Variants in OPCML observed in about 807,000 individuals in gnomAD.
OPCML encodes the protein opioid binding protein/cell adhesion molecule like, also known as opioid-binding protein/cell adhesion molecule.
In OPCML, 13 loss-of-function variants were observed where a neutral mutation model predicts 37.8. That is an observed-to-expected ratio of 0.34 (90% confidence interval 0.22 to 0.55). The LOEUF is 0.55. Ranked by LOEUF, OPCML falls within the 20% of genes least tolerant of loss-of-function variation. The pLI, the probability that OPCML is intolerant of heterozygous loss-of-function variation, is 0.91. For synonymous variants in OPCML, 176 were observed against 168.8 expected (o/e 1.04, Z -0.33); for missense variants, 341 against 435.6 (o/e 0.78, Z 1.93).
chr11:133,183,622 C>T (rs534941443), intron 1 of OPCML, among the ~76,000 whole-genome samples: 5 of 152,206 alleles, frequency 3.3e-5, no homozygotes, highest in South Asian at 2.1e-4. Flanking sequence ...CCTAAATTTT[C>T]GAGAGTGTAT....
chr11:132,620,690 T>C (rs1337807219), intron 3 of OPCML, among the ~76,000 whole-genome samples: 1 of 152,228 alleles, frequency 6.6e-6, no homozygotes, highest in African/African-American at 2.4e-5. Flanking sequence ...TGCCTTGGAA[T>C]CATTGGTTCT....
At chr11:133,003,002 A>G (rs1364238156) in intron 1 of OPCML, among the ~76,000 whole-genome samples, 2 of 152,206 alleles carry the variant, frequency 1.3e-5, no homozygotes, top group African/African-American at 4.8e-5. Context: ...CTTTTCTGAT[A>G]TACCACAAAA....
At chr11:133,354,083 T>C (rs920484539) in intron 1 of OPCML, among the ~76,000 whole-genome samples, 41 of 151,398 alleles carry the variant, frequency 2.7e-4, no homozygotes, top group Admixed American at 1.3e-4. Flanking sequence ...TTTAAGTCTA[T>C]CTGTGCTATG....
chr11:132,861,516 GCA>G (rs1385773273), intron 2 of OPCML, among the ~76,000 whole-genome samples: 1 of 152,126 alleles, frequency 6.6e-6, no homozygotes, highest in Admixed American at 6.5e-5. Context: ...ACTTTGTCTG[GCA>G]CAGTGTATGA....
Position 132,943,225 on chromosome 11 carries a change from G to T in OPCML, c.62-215C>A. 1 of 1,327,844 alleles carries T rather than the reference G, an allele frequency of 7.5e-7. No homozygotes were observed. Among genetic ancestry groups the T allele is most frequent in the Non-Finnish European group, 1.0e-6 (1 of 965,162 alleles). The allele number at this position is 1,327,844 out of a possible 1,614,324, so 82.3% of individuals were successfully genotyped here. On this transcript the variant is annotated intron_variant, in intron 1 of 7. Transcript: ENST00000524381. The surrounding 1 kb of genome is among the most constrained non-coding windows in gnomAD (Gnocchi z 4.3). ...AGTTCGCCAGGAGCAGGGGGAAGGA[G>T]AAGAGAGGAGTCCGGGCTCTCCGGA... is the stretch of plus-strand genomic sequence containing the variant.
intron 1 of OPCML, among the ~76,000 whole-genome samples, chr11:133,309,531 C>T (rs1943017404): frequency 6.6e-6 from 1 of 152,136 alleles, no homozygotes; most frequent in South Asian, 2.1e-4. Context: ...AATGTGGGAT[C>T]CTGGATTGAA....
intron 3 of OPCML, among the ~76,000 whole-genome samples, chr11:132,625,053 A>G (rs1272529808): frequency 6.6e-6 from 1 of 152,146 alleles, no homozygotes; most frequent in East Asian, 1.9e-4. Flanking sequence ...CCAAAATAAT[A>G]TGTTTAAACC....
intron 2 of OPCML, among the ~76,000 whole-genome samples, chr11:132,738,425 T>C (rs1288547675): frequency 6.6e-6 from 1 of 152,370 alleles, no homozygotes; most frequent in South Asian, 2.1e-4. Flanking sequence ...AGTGCATACA[T>C]CTTCCACTAG....
chr11:133,160,421 T>C (rs1950126325), intron 1 of OPCML, among the ~76,000 whole-genome samples: 1 of 152,216 alleles, frequency 6.6e-6, no homozygotes, highest in African/African-American at 2.4e-5. Context: ...GTAAGTAAAG[T>C]CAGCAGTTTA....
At chr11:132,724,941 G>A (rs375418263) in intron 2 of OPCML, among the ~76,000 whole-genome samples, 20 of 152,314 alleles carry the variant, frequency 1.3e-4, no homozygotes, top group South Asian at 2.1e-4. Context: ...GGGCAACTCC[G>A]TGGTTTTGCA....
intron 1 of OPCML, among the ~76,000 whole-genome samples, chr11:133,260,495 G>A (rs1456612940): frequency 3.9e-5 from 6 of 152,074 alleles, no homozygotes; most frequent in African/African-American, 1.4e-4. Context: ...TGTTGAAGGT[G>A]GAGCTCTGGG....
At chr11:133,233,795 T>G (rs993081077) in intron 1 of OPCML, among the ~76,000 whole-genome samples, 1 of 152,192 alleles carries the variant, frequency 6.6e-6, no homozygotes, top group Non-Finnish European at 1.5e-5. Flanking sequence ...AATCTGTCTT[T>G]TGTCAGCATC....
intron 2 of OPCML, among the ~76,000 whole-genome samples, chr11:132,890,679 T>C (rs1332952683): frequency 1.5e-5 from 2 of 130,616 alleles, no homozygotes; most frequent in South Asian, 2.5e-4. Context: ...ACCCTGTCTC[T>C]ACTAAAAAAA....
intron 3 of OPCML, among the ~76,000 whole-genome samples, chr11:132,580,775 TA>T (rs1303418924): frequency 6.6e-6 from 1 of 152,208 alleles, no homozygotes; most frequent in Non-Finnish European, 1.5e-5. Flanking sequence ...CTCAGTGGCT[TA>T]AGAGTTAAAC....
At chr11:132,813,865 TA>T (rs936374848) in intron 2 of OPCML, among the ~76,000 whole-genome samples, 4 of 152,296 alleles carry the variant, frequency 2.6e-5, no homozygotes, top group Admixed American at 1.3e-4. Flanking sequence ...AGCCTCAGCT[TA>T]AATGGAATCT....
chr11:132,669,673 C>T (rs1339903760), intron 2 of OPCML, among the ~76,000 whole-genome samples: 1 of 152,114 alleles, frequency 6.6e-6, no homozygotes. Flanking sequence ...AATGGTGGTG[C>T]TACAGTACAA....
At chr11:132,897,715 T>C (rs1240672009) in intron 2 of OPCML, among the ~76,000 whole-genome samples, 1 of 152,090 alleles carries the variant, frequency 6.6e-6, no homozygotes, top group African/African-American at 2.4e-5. Flanking sequence ...GCGGCAGAAT[T>C]TGGGGCAGTG....
In OPCML at chr11:133,211,665, G is replaced by A. The variant is rs1332902674; in HGVS notation, c.62-268655C>T. On this transcript the variant is annotated intron_variant, in intron 1 of 7. Transcript: ENST00000524381. The surrounding 1 kb of genome is among the most constrained non-coding windows in gnomAD (Gnocchi z 4.1). ...TGGAATTGTATATCTTGTACCATGA[G>A]GCATCTGGGGCCAGGGAGTCATCTG... Among the ~76,000 whole-genome samples the A allele has an allele frequency of 6.6e-6, 1 of 152,228 alleles. No homozygotes were observed. Among genetic ancestry groups the A allele is most frequent in the Admixed American group, 6.5e-5 (1 of 15,288 alleles).
chr11:133,140,760 C>CGAT (rs1335359929), intron 1 of OPCML, among the ~76,000 whole-genome samples: 2 of 80,144 alleles, frequency 2.5e-5, no homozygotes, highest in African/African-American at 4.4e-5. Context: ...AAGAAGAAGA[C>CGAT]GACGAAGAAG....
Sources: allele counts gnomAD v4.1 joint callset (sites outside exome capture counted in the v4.1 genomes callset), GRCh38; gene constraint gnomAD v4.1.1; non-coding constraint Gnocchi (gnomAD v3.1); transcripts MANE v1.5; gene names NCBI Gene and HGNC (gene_info 2026-07-23, HGNC 2026-07-21).